The following TNKS variants were observed in gnomAD, a reference collection of about 807,000 sequenced individuals.
TNKS encodes poly [ADP-ribose] polymerase tankyrase-1.
In TNKS, 72 loss-of-function variants were observed where a neutral mutation model predicts 135.8. The ratio of observed to expected loss-of-function variants is 0.53; its 90% CI spans 0.44 to 0.64. The LOEUF is 0.64. Ranked by LOEUF, TNKS falls within the 30% of genes least tolerant of loss-of-function variation. The pLI is 0.00. For synonymous variants in TNKS, 849 were observed against 649.3 expected, an observed-to-expected ratio of 1.31 and a Z score of -4.68; for missense variants, 1,769 against 1,674.0, an observed-to-expected ratio of 1.06 and a Z score of -0.99.
chr8:9,678,142 A>T (rs1237172892), intron 3 of TNKS, among the ~76,000 whole-genome samples: 1 of 152,234 alleles, frequency 6.6e-6, no homozygotes, highest in Non-Finnish European at 1.5e-5. Flanking sequence ...TTCGCGTTAA[A>T]ATCTGGCATA....
intron 13 of TNKS, 122 bp from the exon 14 acceptor site, chr8:9,730,768 A>C: frequency 1.7e-6 from 2 of 1,150,242 alleles, no homozygotes; most frequent in East Asian, 2.5e-5. Flanking sequence ...AATCTTTGGA[A>C]ATAAATATTC....
chr8:9,772,474 T>C (rs1354491669), intron 26 of TNKS: 5 of 452,972 alleles, frequency 1.1e-5, no homozygotes, highest in African/African-American at 4.0e-5. Context: ...TGTTGAAAGA[T>C]TGTATTCTTC....
intron 3 of TNKS, among the ~76,000 whole-genome samples, chr8:9,628,843 C>G (rs1292559589): frequency 6.6e-6 from 1 of 152,138 alleles, no homozygotes; most frequent in South Asian, 2.1e-4. Context: ...TTCTTTATCT[C>G]CCTATCCAAC....
chr8:9,735,509 C>G, intron 17 of TNKS, 23 bp downstream of exon 17: 1 of 1,597,278 alleles, frequency 6.3e-7, no homozygotes, highest in Non-Finnish European at 8.6e-7. Flanking sequence ...ACATTAAAAT[C>G]TAGAAAACTG....
chr8:9,624,038 C>A (rs990519158), intron 3 of TNKS, among the ~76,000 whole-genome samples: 47 of 152,048 alleles, frequency 3.1e-4, no homozygotes, highest in African/African-American at 1.1e-3. Context: ...ACAACAACAA[C>A]AAAAAACAAC....
intron 17 of TNKS, among the ~76,000 whole-genome samples, chr8:9,743,263 A>G (rs965029335): frequency 1.3e-5 from 2 of 152,102 alleles, no homozygotes; most frequent in East Asian, 1.9e-4. Context: ...CTTCTTCCTA[A>G]TATTATCTCT....
chr8:9,719,677 G>C (rs547198956), intron 11 of TNKS, among the ~76,000 whole-genome samples: 1 of 152,298 alleles, frequency 6.6e-6, no homozygotes, highest in East Asian at 1.9e-4. Flanking sequence ...GGTCTGACTG[G>C]AGTAGAGGGT....
At position 9,772,809 on chromosome 8, in the gene TNKS, T is replaced by TTGTGTGTGTG. The variant is rs368113364; in HGVS notation, c.3897+2559_3897+2568dup. Among the ~76,000 whole-genome samples, 100 of 86,688 alleles carry TTGTGTGTGTG rather than the reference T, an allele frequency of 1.2e-3. 1 individual carries two copies. The highest frequency in any genetic ancestry group is 3.2e-3 in the African/African-American group (77 of 23,924). 56.9% of individuals were successfully genotyped at this position (86,688 alleles called of 152,430 possible). On this transcript the variant is annotated intron_variant, in intron 26 of 26. Coordinates refer to ENST00000310430, the MANE Select transcript of TNKS (RefSeq NM_003747.3). ...TTGGGGAGAATGTGTGTGTGTGTGT[T>TTGTGTGTGTG]TGTGTGTGTGTGTGTGTGTGTCTGT...
chr8:9,664,884 C>T (rs539603188), intron 3 of TNKS, among the ~76,000 whole-genome samples: 31 of 152,282 alleles, frequency 2.0e-4, no homozygotes, highest in Admixed American at 9.1e-4. Flanking sequence ...TATTACTACA[C>T]GGCATTTCTA....
intron 3 of TNKS, among the ~76,000 whole-genome samples, chr8:9,666,665 G>T (rs1802005090): frequency 6.6e-6 from 1 of 151,702 alleles, no homozygotes; most frequent in Non-Finnish European, 1.5e-5. Flanking sequence ...AGTTTGCAGT[G>T]AGCCAAGATG....
chr8:9,629,778 G>A (rs1261914100), intron 3 of TNKS, among the ~76,000 whole-genome samples: 1 of 152,202 alleles, frequency 6.6e-6, no homozygotes, highest in Non-Finnish European at 1.5e-5. Context: ...CGCCTCCCCG[G>A]TTCATGCCAT....
At chr8:9,661,996 C>T (rs1181779777) in intron 3 of TNKS, among the ~76,000 whole-genome samples, 6 of 152,232 alleles carry the variant, frequency 3.9e-5, no homozygotes, top group African/African-American at 1.4e-4. Context: ...TGCTGCTCAT[C>T]ATCACTGGCC....
At chr8:9,610,416 T>G (rs1408451032) in intron 2 of TNKS, among the ~76,000 whole-genome samples, 2 of 151,804 alleles carry the variant, frequency 1.3e-5, no homozygotes, top group East Asian at 3.8e-4. Flanking sequence ...TTATACCATT[T>G]TAATATACAT....
chr8:9,573,952 C>T (rs561951438), intron 1 of TNKS, among the ~76,000 whole-genome samples: 4 of 152,140 alleles, frequency 2.6e-5, no homozygotes, highest in South Asian at 2.1e-4. Context: ...TAATTTTAGG[C>T]GGGATTACAA....
At chr8:9,731,714 T>C (rs1414829506) in intron 14 of TNKS, among the ~76,000 whole-genome samples, 3 of 152,178 alleles carry the variant, frequency 2.0e-5, no homozygotes, top group Non-Finnish European at 4.4e-5. Flanking sequence ...TCTTGAATAG[T>C]CTTCCCATAT....
At chr8:9,776,586 T>C in intron 26 of TNKS, 64 bp from the exon 27 acceptor site, 1 of 1,490,310 alleles carries the variant, frequency 6.7e-7, no homozygotes, top group Non-Finnish European at 9.3e-7. Context: ...GCTTCCACAT[T>C]CGGCAAGGCT....
rs145676530 is a variant in TNKS at position 9,638,464 on chromosome 8, G to A, written c.994+22787G>A. ...TGGAGAAGAAAACAGCTATGCCCATGCAGCTGCATCCATATATACCTACAT... is the reference window on the plus strand; with the variant it reads ...TGGAGAAGAAAACAGCTATGCCCATACAGCTGCATCCATATATACCTACAT... On this transcript the variant is annotated intron_variant, in intron 3 of 26. Transcript: ENST00000310430. Among the ~76,000 whole-genome samples the A allele has an allele frequency of 2.6e-5, 4 of 152,270 alleles. No homozygotes were observed. In the East Asian group the frequency reaches 7.7e-4, roughly 29 times the overall value.
chr8:9,600,704 C>T (rs541362188), intron 2 of TNKS, among the ~76,000 whole-genome samples: 1 of 152,224 alleles, frequency 6.6e-6, no homozygotes, highest in Non-Finnish European at 1.5e-5. Flanking sequence ...ACACATAGTT[C>T]ACTGGGGTGA....
At chr8:9,724,083 T>C (rs575599828) in intron 12 of TNKS, among the ~76,000 whole-genome samples, 2 of 152,214 alleles carry the variant, frequency 1.3e-5, no homozygotes, top group Non-Finnish European at 2.9e-5. Context: ...TTAAAAACTC[T>C]AATGAGCCAG....
Sources: gnomAD v4.1 joint callset for allele counts (sites outside exome capture counted in the v4.1 genomes callset) on GRCh38, gnomAD v4.1.1 for gene constraint, MANE v1.5 for transcripts, NCBI Gene and HGNC (gene_info 2026-07-23, HGNC 2026-07-21) for gene names.